Variants in PPARGC1A observed in about 807,000 individuals in gnomAD.
PPARGC1A encodes the protein PPARG coactivator 1 alpha.
Under a neutral mutation model 88.7 loss-of-function variants are expected in PPARGC1A, and 25 were observed. The ratio of observed to expected loss-of-function variants is 0.28; its 90% CI spans 0.21 to 0.39. The LOEUF is 0.39. Ranked by LOEUF, PPARGC1A falls within the 10% of genes least tolerant of loss-of-function variation. The probability of loss-of-function intolerance (pLI) is 1.00; values close to 1 mark genes in which losing one functional copy is unlikely to be tolerated. For missense variants in PPARGC1A, 880 were observed against 968.7 expected (o/e 0.91, Z 1.22); for synonymous variants, 363 against 355.6 (o/e 1.02, Z -0.24).
chr4:23,903,186 G>A (rs576059623), upstream of PPARGC1A, among the ~76,000 whole-genome samples: 1 of 152,146 alleles, frequency 6.6e-6, no homozygotes, highest in Non-Finnish European at 1.5e-5. Flanking sequence ...TAGGACTTGA[G>A]AAAAAAGAAT....
At chr4:24,219,993 T>G in the PPARGC1A span, among the ~76,000 whole-genome samples, 1 of 152,132 alleles carries the variant, frequency 6.6e-6, no homozygotes, top group Non-Finnish European at 1.5e-5. Flanking sequence ...TGAGGACTAA[T>G]ATCCATAATC....
chr4:23,969,870 C>T, the PPARGC1A span, among the ~76,000 whole-genome samples: 6 of 152,324 alleles, frequency 3.9e-5, no homozygotes, highest in Admixed American at 1.3e-4. Context: ...CTACTACTTG[C>T]TCAAAATATC....
At chr4:23,962,331 G>A in the PPARGC1A span, among the ~76,000 whole-genome samples, 2 of 152,014 alleles carry the variant, frequency 1.3e-5, no homozygotes, top group East Asian at 3.9e-4. Flanking sequence ...TGGACCACAG[G>A]GTCATCTGGC....
chr4:24,379,024 T>C, the PPARGC1A span, among the ~76,000 whole-genome samples: 1,148 of 152,302 alleles, frequency 7.5e-3, 10 homozygotes, highest in African/African-American at 0.026. Context: ...ACTTGTATTG[T>C]GGTAAATCTT....
At chr4:24,390,814 A>G in the PPARGC1A span, among the ~76,000 whole-genome samples, 51,917 of 151,774 alleles carry the variant, frequency 0.34, 9,918 homozygotes, top group East Asian at 0.52. Context: ...CTGCCTTTCA[A>G]ATCTCTCTGA....
the PPARGC1A span, among the ~76,000 whole-genome samples, chr4:24,317,590 A>C: frequency 2.1e-5 from 3 of 141,144 alleles, no homozygotes; most frequent in East Asian, 2.1e-4. Flanking sequence ...AAAAAAAAAA[A>C]AAAAAACACC....
chr4:24,409,032 T>G, the PPARGC1A span, among the ~76,000 whole-genome samples: 1 of 152,208 alleles, frequency 6.6e-6, no homozygotes, highest in South Asian at 2.1e-4. Context: ...AAAACAAGCT[T>G]GCCCACGTGC....
the PPARGC1A span, among the ~76,000 whole-genome samples, chr4:24,250,632 G>C: frequency 6.6e-6 from 1 of 152,188 alleles, no homozygotes; most frequent in South Asian, 2.1e-4. Context: ...AGAGGAAGGA[G>C]AAGGGATGGA....
chr4:24,152,850 T>C, the PPARGC1A span, among the ~76,000 whole-genome samples: 1 of 152,220 alleles, frequency 6.6e-6, no homozygotes, highest in South Asian at 2.1e-4. Context: ...TAAATGTCTA[T>C]GTATATGTCA....
At chr4:24,456,628 G>A in the PPARGC1A span, among the ~76,000 whole-genome samples, 1 of 151,972 alleles carries the variant, frequency 6.6e-6, no homozygotes, top group East Asian at 1.9e-4. Flanking sequence ...GATATAGAAG[G>A]GTGAGAGATT....
At chr4:23,847,255 G>C (rs1728483751) in intron 2 of PPARGC1A, among the ~76,000 whole-genome samples, 1 of 152,158 alleles carries the variant, frequency 6.6e-6, no homozygotes, top group Non-Finnish European at 1.5e-5. Flanking sequence ...CCATCAGTGA[G>C]AACCAGCTGT....
chr4:24,160,630 C>T, the PPARGC1A span, among the ~76,000 whole-genome samples: 1 of 152,224 alleles, frequency 6.6e-6, no homozygotes. Flanking sequence ...AGCTGTTTCA[C>T]ACACCTTACC....
chr4:24,289,711 G>A, the PPARGC1A span, among the ~76,000 whole-genome samples: 4 of 152,094 alleles, frequency 2.6e-5, no homozygotes, highest in East Asian at 7.7e-4. Context: ...GATCTCTCCA[G>A]CCAATTCCTG....
At chr4:24,092,262 A>G in the PPARGC1A span, among the ~76,000 whole-genome samples, 2 of 152,022 alleles carry the variant, frequency 1.3e-5, no homozygotes, top group Non-Finnish European at 2.9e-5. Context: ...TTTCTAAATC[A>G]GTATACGAAA....
At chr4:24,086,247 C>G in the PPARGC1A span, among the ~76,000 whole-genome samples, 1 of 152,334 alleles carries the variant, frequency 6.6e-6, no homozygotes, top group South Asian at 2.1e-4. Flanking sequence ...GATGGAGGCA[C>G]TGATACCCAC....
the PPARGC1A span, among the ~76,000 whole-genome samples, chr4:24,069,777 A>G: frequency 6.6e-6 from 1 of 152,256 alleles, no homozygotes; most frequent in African/African-American, 2.4e-5. Flanking sequence ...ATTTGTATGT[A>G]TCTTCATCCA....
At chr4:24,472,361 G>A in the PPARGC1A span, among the ~76,000 whole-genome samples, 5 of 145,504 alleles carry the variant, frequency 3.4e-5, no homozygotes, top group Non-Finnish European at 6.0e-5. This position sits in a 1 kb window ranked among gnomAD's most constrained non-coding sequence, Gnocchi z 4.5. Flanking sequence ...GCCCGGCACC[G>A]AGCCACCCCT....
rs972183117 is a variant in PPARGC1A at position 23,819,817 on chromosome 4, T to C, written c.877+4463A>G. ...TTTGTTGGGTCTTCCTTTCTTAGATTCTTGAAGCACAGGAATAGATTATGT... is the reference window on the plus strand; with the variant it reads ...TTTGTTGGGTCTTCCTTTCTTAGATCCTTGAAGCACAGGAATAGATTATGT... On this transcript the variant is annotated intron_variant, in intron 7 of 12. Transcript: ENST00000264867. 2.0e-5 allele frequency among the ~76,000 whole-genome samples: 3 copies of C among 152,136 alleles called. No homozygotes were observed. In the East Asian group the frequency reaches 5.8e-4, roughly 29 times the overall value.
At chr4:24,449,919 T>C in the PPARGC1A span, among the ~76,000 whole-genome samples, 1 of 152,206 alleles carries the variant, frequency 6.6e-6, no homozygotes, top group Non-Finnish European at 1.5e-5. Context: ...TTTTATTCCC[T>C]GCAAATAAAT....
Sources: gnomAD v4.1 joint callset for allele counts (sites outside exome capture counted in the v4.1 genomes callset) on GRCh38, gnomAD v4.1.1 for gene constraint, Gnocchi (gnomAD v3.1) non-coding constraint, MANE v1.5 for transcripts, NCBI Gene and HGNC (gene_info 2026-07-23, HGNC 2026-07-21) for gene names.